The following NECTIN1 variants were observed in gnomAD, a reference collection of about 807,000 sequenced individuals.
NECTIN1 encodes the protein nectin cell adhesion molecule 1.
A neutral mutation model predicts 48.0 loss-of-function variants in NECTIN1; 23 were observed. That is an observed-to-expected ratio of 0.48 (90% CI 0.34 to 0.68). NECTIN1 has a LOEUF of 0.68. NECTIN1 is among the 30% of genes least tolerant of loss of function. NECTIN1 has a pLI of 0.01. For synonymous variants in NECTIN1, 270 were observed against 288.9 expected, an observed-to-expected ratio of 0.93 and a Z score of 0.66; for missense variants, 591 against 709.9, an observed-to-expected ratio of 0.83 and a Z score of 1.90.
At chr11:119,725,736 T>C (rs1484743579) in intron 1 of NECTIN1, among the ~76,000 whole-genome samples, 1 of 152,232 alleles carries the variant, frequency 6.6e-6, no homozygotes, top group Non-Finnish European at 1.5e-5. Context: ...GGGTGTGCTG[T>C]GACCCGACAG....
chr11:119,725,997 C>T (rs1373452685), intron 1 of NECTIN1, among the ~76,000 whole-genome samples: 2 of 152,186 alleles, frequency 1.3e-5, no homozygotes, highest in Admixed American at 6.5e-5. Context: ...AAACAGAGGC[C>T]TTTGGGGCTT....
rs540791927 is a variant in NECTIN1 at position 119,663,620 on chromosome 11, C to G, written c.*1127G>C. 1.0e-6 allele frequency: 1 copy of G among 985,676 alleles called. No individual in the cohort carries two copies. The highest frequency in any genetic ancestry group is 4.7e-5 in the South Asian group (1 of 21,294). 61.1% of individuals were successfully genotyped at this position (985,676 alleles called of 1,614,324 possible). ...GTGGGCTTCCTTCCCCACTACCCTC[C>G]GTGTGGATGCTTCTTTACCTCTGAC... On this transcript the variant is annotated 3_prime_UTR_variant, in exon 6 of 6. Transcript: ENST00000264025.
In NECTIN1 at chr11:119,663,211, C is replaced by T; in HGVS notation, c.*1536G>A. 1 of 985,494 alleles carries T rather than the reference C, an allele frequency of 1.0e-6. No homozygotes were observed. The highest frequency in any genetic ancestry group is 1.2e-6 in the Non-Finnish European group (1 of 829,952). The allele number at this position is 985,494 out of a possible 1,614,324, so 61.0% of individuals were successfully genotyped here. Reference sequence around the variant, plus strand: ...AGGGCCGCGAAGCCTGCCTCTCCATCCCAGGGTCCTTCCCATGGGCATGCC... The same window carrying T: ...AGGGCCGCGAAGCCTGCCTCTCCATTCCAGGGTCCTTCCCATGGGCATGCC... On this transcript the variant is annotated 3_prime_UTR_variant, in exon 6 of 6. Transcript: ENST00000264025.
chr11:119,649,727 A>C (rs1010888547), intron 5 of NECTIN1, among the ~76,000 whole-genome samples: 12 of 152,162 alleles, frequency 7.9e-5, no homozygotes, highest in Admixed American at 4.6e-4. Context: ...AATAAGAAAA[A>C]CAGGAAATAT....
chr11:119,676,994 T>G (rs1453159759), intron 4 of NECTIN1, 108 bp downstream of exon 4: 2 of 948,298 alleles, frequency 2.1e-6, no homozygotes, highest in Non-Finnish European at 3.4e-6. Context: ...GCCCAGACCC[T>G]AATTTCTTCC....
chr11:119,665,119 G>T lies in NECTIN1; in HGVS notation c.1182C>A (p.His394Gln). The T allele has an allele frequency of 1.2e-6, 2 of 1,613,988 alleles. No homozygotes were observed. Among genetic ancestry groups the T allele is most frequent in the African/African-American group, 2.7e-5 (2 of 75,008 alleles). ...CCTTGCTGTAGCCGTTGCCATACAC[G>T]TGCTTCTTGGTGCTGTAGTCACCCT... ...TFKGDYSTKKHVYGNGYSKAG... is the reference protein window; with the variant it reads ...TFKGDYSTKKQVYGNGYSKAG... The change falls in exon 6 of 6, where the codon CAC becomes CAA. Residue 394 changes from histidine to glutamine, a missense_variant. Coordinates refer to ENST00000264025, the MANE Select transcript of NECTIN1 (RefSeq NM_002855.5). This position sits in a 1 kb window ranked among gnomAD's most constrained non-coding sequence, Gnocchi z 5.1.
At position 119,684,130 on chromosome 11, in the gene NECTIN1, T is replaced by C. The variant is rs748549418; in HGVS notation, c.80-5365A>G. ...ACATACCCACTTAAAGCAGTTTCTC[T>C]TCCTGCCCTTTTAACCCCCAGACCC... On this transcript the variant is annotated intron_variant, in intron 1 of 5. Coordinates refer to ENST00000264025, the MANE Select transcript of NECTIN1 (RefSeq NM_002855.5). The surrounding 1 kb of genome is among the most constrained non-coding windows in gnomAD (Gnocchi z 5.2). 2.0e-5 allele frequency among the ~76,000 whole-genome samples: 3 copies of C among 152,218 alleles called. No individual in the cohort carries two copies. The highest frequency in any genetic ancestry group is 7.2e-5 in the African/African-American group (3 of 41,462).
chr11:119,677,016 C>T lies in NECTIN1; in HGVS notation c.851+86G>A, dbSNP rs1650041017. ...CCCTAATTTCTTCCCTGCCTAAAGG[C>T]TCCTGGAGGTAGGATGGTTGCCCCT... On this transcript the variant is annotated intron_variant, in intron 4 of 5. Coordinates refer to ENST00000264025, the MANE Select transcript of NECTIN1 (RefSeq NM_002855.5). The surrounding 1 kb of genome is among the most constrained non-coding windows in gnomAD (Gnocchi z 5.4). 1.7e-6 allele frequency: 2 copies of T among 1,189,316 alleles called. No individual in the cohort carries two copies. The highest frequency in any genetic ancestry group is 2.5e-6 in the Non-Finnish European group (2 of 794,354). The allele number at this position is 1,189,316 out of a possible 1,614,324, so 73.7% of individuals were successfully genotyped here. A position where few individuals can be genotyped will look rare whatever the true frequency, so the allele number is the denominator to read the frequency against.
intron 5 of NECTIN1, chr11:119,641,889 A>AT (rs201284141): frequency 0.14 from 20,509 of 144,048 alleles, 2,315 homozygotes; most frequent in African/African-American, 0.32. Context: ...GGCCCGGCTA[A>AT]TTTTTTTTTT....
intron 5 of NECTIN1, among the ~76,000 whole-genome samples, chr11:119,647,222 T>TGTGTGTGTGTGTGA (rs1365050105): frequency 3.0e-4 from 32 of 108,014 alleles, no homozygotes; most frequent in Non-Finnish European, 5.4e-4. Flanking sequence ...TGTGTGTGTG[T>TGTGTGTGTGTGTGA]GACTGTGACC....
chr11:119,655,299 C>G (rs946322318), intron 5 of NECTIN1, among the ~76,000 whole-genome samples: 16 of 152,082 alleles, frequency 1.1e-4, no homozygotes, highest in Non-Finnish European at 2.1e-4. Context: ...AAATAGACTC[C>G]CTACCTCCAC....
At chr11:119,657,241 C>T (rs1037743268), downstream of NECTIN1, among the ~76,000 whole-genome samples, 1 of 152,206 alleles carries the variant, frequency 6.6e-6, no homozygotes, top group Non-Finnish European at 1.5e-5. Context: ...AGACCCACCT[C>T]TTCCTCATGA....
In NECTIN1 at chr11:119,664,326, C is replaced by T. The variant is rs1864723063; in HGVS notation, c.*421G>A. On this transcript the variant is annotated 3_prime_UTR_variant, in exon 6 of 6. Coordinates refer to ENST00000264025, the MANE Select transcript of NECTIN1 (RefSeq NM_002855.5). ...GCATCTGGGGGTGTGGGGAGCTTTTCCCTCTTAGAGCCCCTTGAGCCCTCC... is the reference window on the plus strand; with the variant it reads ...GCATCTGGGGGTGTGGGGAGCTTTTTCCTCTTAGAGCCCCTTGAGCCCTCC... 1 of 1,006,494 alleles carries T rather than the reference C, an allele frequency of 9.9e-7. No homozygotes were observed. The highest frequency in any genetic ancestry group is 1.2e-6 in the Non-Finnish European group (1 of 842,980). 62.3% of individuals were successfully genotyped at this position (1,006,494 alleles called of 1,614,324 possible). A position where few individuals can be genotyped will look rare whatever the true frequency, so the allele number is the denominator to read the frequency against.
chr11:119,649,632 G>A (rs1345154102), intron 5 of NECTIN1, among the ~76,000 whole-genome samples: 2 of 152,188 alleles, frequency 1.3e-5, no homozygotes, highest in Non-Finnish European at 2.9e-5. Context: ...GGAGGTTGCA[G>A]TGAGCCAAGA....
At chr11:119,722,445 C>T (rs1215627413) in intron 1 of NECTIN1, among the ~76,000 whole-genome samples, 1 of 152,236 alleles carries the variant, frequency 6.6e-6, no homozygotes, top group African/African-American at 2.4e-5. Flanking sequence ...CCATCTTCCC[C>T]TCAAATGTGG....
downstream of NECTIN1, among the ~76,000 whole-genome samples, chr11:119,658,712 A>T (rs187306740): frequency 2.4e-4 from 37 of 152,218 alleles, no homozygotes; most frequent in Non-Finnish European, 4.4e-4. Context: ...GATCCTGCAA[A>T]CTCAGTTTAT....
At chr11:119,697,245 AT>A (rs1476971184) in intron 1 of NECTIN1, among the ~76,000 whole-genome samples, 7 of 151,450 alleles carry the variant, frequency 4.6e-5, no homozygotes, top group Admixed American at 3.3e-4. Context: ...GCGCTTTATT[AT>A]TTTTTCTTTT....
At chr11:119,652,162 C>T (rs1039058727) in intron 5 of NECTIN1, among the ~76,000 whole-genome samples, 4 of 152,186 alleles carry the variant, frequency 2.6e-5, no homozygotes, top group East Asian at 3.8e-4. Flanking sequence ...TTGTCATTAA[C>T]GCCCCAGGAA....
At chr11:119,689,442 G>A (rs1042828176) in intron 1 of NECTIN1, among the ~76,000 whole-genome samples, 2 of 152,206 alleles carry the variant, frequency 1.3e-5, no homozygotes, top group African/African-American at 4.8e-5. Flanking sequence ...CCATGCCCCA[G>A]GCACCTCCTG....
Sources: allele counts gnomAD v4.1 joint callset (sites outside exome capture counted in the v4.1 genomes callset), GRCh38; gene constraint gnomAD v4.1.1; non-coding constraint Gnocchi (gnomAD v3.1); transcripts MANE v1.5; gene names NCBI Gene and HGNC (gene_info 2026-07-23, HGNC 2026-07-21).